The following UPB1 variants were observed in gnomAD, a reference collection of about 807,000 sequenced individuals.
UPB1 encodes beta-ureidopropionase 1, also known as beta-ureidopropionase.
In UPB1, 40 loss-of-function variants were observed where a neutral mutation model predicts 49.1. The ratio of observed to expected loss-of-function variants is 0.81; its 90% CI spans 0.63 to 1.06. The LOEUF is 1.06. Among genes scored for constraint, UPB1 ranks in the 50% least tolerant of loss-of-function variants. The pLI, the probability that UPB1 is intolerant of heterozygous loss-of-function variation, is 0.00. For synonymous variants in UPB1, 207 were observed against 198.2 expected (o/e 1.04, Z -0.38); for missense variants, 499 against 505.9 (o/e 0.99, Z 0.13).
At chr22:24,514,784 GC>G (rs1450158795) in intron 5 of UPB1, among the ~76,000 whole-genome samples, 2 of 152,204 alleles carry the variant, frequency 1.3e-5, no homozygotes, top group East Asian at 3.8e-4. Flanking sequence ...GGAGAGAGTT[GC>G]TTGGATGTGC....
chr22:24,506,991 A>G, intron 3 of UPB1, among the ~76,000 whole-genome samples: 1 of 137,946 alleles, frequency 7.2e-6, no homozygotes, highest in African/African-American at 2.6e-5. Flanking sequence ...CTAGGCTGGC[A>G]GTTCCTGAGG....
At chr22:24,502,700 C>T (rs1304584788) in intron 3 of UPB1, 2 of 593,052 alleles carry the variant, frequency 3.4e-6, no homozygotes, top group African/African-American at 1.9e-5. Context: ...CTATTATCCC[C>T]AGCATCAACA....
intron 1 of UPB1, among the ~76,000 whole-genome samples, chr22:24,497,322 A>G (rs896442934): frequency 1.3e-5 from 2 of 152,140 alleles, no homozygotes; most frequent in African/African-American, 4.8e-5. Context: ...TGTATGTTTC[A>G]TTTTATACCC....
chr22:24,509,856 A>G (rs1422345389), intron 3 of UPB1, among the ~76,000 whole-genome samples: 1 of 152,176 alleles, frequency 6.6e-6, no homozygotes, highest in African/African-American at 2.4e-5. Flanking sequence ...TCACAATTGG[A>G]CACCTCTACC....
intron 8 of UPB1, among the ~76,000 whole-genome samples, chr22:24,522,978 G>A (rs961647805): frequency 6.6e-6 from 1 of 151,606 alleles, no homozygotes; most frequent in Middle Eastern, 3.4e-3. Context: ...TGCCAGAAGG[G>A]GCTGAGCGAG....
At chr22:24,497,832 G>A (rs1415394569) in intron 1 of UPB1, among the ~76,000 whole-genome samples, 1 of 152,190 alleles carries the variant, frequency 6.6e-6, no homozygotes, top group Non-Finnish European at 1.5e-5. Flanking sequence ...AAGGAGAAGG[G>A]TCTGTGTGTC....
intron 3 of UPB1, chr22:24,502,432 A>G (rs1286032613): frequency 5.1e-6 from 4 of 783,328 alleles, no homozygotes; most frequent in Admixed American, 1.7e-5. Context: ...TTCTGAATCC[A>G]TTCGCTCCTC....
intron 7 of UPB1, among the ~76,000 whole-genome samples, chr22:24,521,279 C>CCAG (rs1222486847): frequency 6.6e-6 from 1 of 150,476 alleles, no homozygotes; most frequent in Admixed American, 6.6e-5. Flanking sequence ...GTCAGGAGTT[C>CCAG]CAGACCAGCC....
chr22:24,517,257 A>G (rs563770632), intron 6 of UPB1, among the ~76,000 whole-genome samples: 2 of 152,148 alleles, frequency 1.3e-5, no homozygotes, highest in African/African-American at 4.8e-5. Context: ...TAGAAGGGGA[A>G]TATCAGGCCT....
chr22:24,506,437 C>T (rs1307061650), intron 3 of UPB1, among the ~76,000 whole-genome samples: 3 of 152,208 alleles, frequency 2.0e-5, no homozygotes, highest in African/African-American at 7.2e-5. Context: ...AGCAGGAGAT[C>T]TTCTCTACTG....
chr22:24,505,966 G>C (rs188429295), intron 3 of UPB1, among the ~76,000 whole-genome samples: 2 of 149,666 alleles, frequency 1.3e-5, no homozygotes, highest in Non-Finnish European at 1.5e-5. Flanking sequence ...ACCCACCTCA[G>C]CCTCCCAAAG....
Position 24,526,064 on chromosome 22 carries a change from A to T in UPB1, c.*270A>T, listed in dbSNP as rs542259413. 2.1e-6 allele frequency: 1 copy of T among 467,504 alleles called. No homozygotes were observed. The highest frequency in any genetic ancestry group is 4.2e-5 in the East Asian group (1 of 23,906). 29.0% of individuals were successfully genotyped at this position (467,504 alleles called of 1,614,324 possible). On this transcript the variant is annotated 3_prime_UTR_variant, in exon 10 of 10. Transcript: ENST00000326010. ...GTATACTTCAGAATGTTTGTTATGT[A>T]AATTTTACCTCAACTAAAAAAAAAA...
rs900233358 is a variant in UPB1 at position 24,527,721 on chromosome 22, T to C, written c.*1927T>C. ...GATGAGAAACCCTGATGGAGCTGCC[T>C]GGCCACAGCTCTGCGGTAACTTCCT... On this transcript the variant is annotated 3_prime_UTR_variant, in exon 10 of 10. Transcript: ENST00000326010. 6 of 151,990 alleles carry C rather than the reference T, an allele frequency of 3.9e-5. No homozygotes were observed. Among genetic ancestry groups the C allele is most frequent in the Non-Finnish European group, 2.9e-5 (2 of 68,052 alleles). 9.4% of individuals were successfully genotyped at this position (151,990 alleles called of 1,614,324 possible). A position where few individuals can be genotyped will look rare whatever the true frequency, so the allele number is the denominator to read the frequency against.
intron 6 of UPB1, among the ~76,000 whole-genome samples, chr22:24,517,468 C>T (rs571773102): frequency 6.6e-6 from 1 of 152,316 alleles, no homozygotes; most frequent in South Asian, 2.1e-4. Flanking sequence ...CACTGGGGTC[C>T]CTAGAGGAAC....
At chr22:24,525,204 G>A (rs1309814286) in intron 9 of UPB1, among the ~76,000 whole-genome samples, 1 of 152,164 alleles carries the variant, frequency 6.6e-6, no homozygotes, top group Non-Finnish European at 1.5e-5. Context: ...AATCCACCTT[G>A]GGAAAGGAGG....
At chr22:24,496,404 T>C (rs3138697) in intron 1 of UPB1, among the ~76,000 whole-genome samples, 24,020 of 126,042 alleles carry the variant, frequency 0.19, 2,107 homozygotes, top group East Asian at 0.28. Flanking sequence ...CACACACACA[T>C]ACACACACAC....
chr22:24,500,135 G>A lies in UPB1; in HGVS notation c.133G>A (p.Glu45Lys), dbSNP rs746855125. The change falls in exon 2 of 10, where the codon GAA becomes AAA. Residue 45 changes from glutamate to lysine, a missense_variant. Physicochemically the swap from Glu to Lys is moderately conservative, Grantham distance 56. Coordinates refer to ENST00000326010, the MANE Select transcript of UPB1 (RefSeq NM_016327.3). ...RKLDLPREAF[E>K]AASREDFELQ... ...GCTTGATCTGCCCAGGGAAGCTTTC[G>A]AAGCTGCCTCCAGAGAAGACTTTGA... 16 of 1,614,040 alleles carry A rather than the reference G, an allele frequency of 9.9e-6. No individual in the cohort carries two copies. Among genetic ancestry groups the A allele is most frequent in the Middle Eastern group, 1.6e-4 (1 of 6,084 alleles).
Position 24,510,832 on chromosome 22 carries a change from T to G in UPB1, c.448T>G (p.Phe150Val), listed in dbSNP as rs751793064. Residue 150 changes from phenylalanine to valine, a missense_variant, in exon 4 of 10, where the codon TTC becomes GTC. Physicochemically the swap from Phe to Val is conservative, Grantham distance 50 (BLOSUM62 -1). Transcript: ENST00000326010. ...AGCAGAGGATGGGCCCACCACCAGA[T>G]TCTGTCAGAAGGTAGGACATTAACG... ...ESAEDGPTTR[F>V]CQKLAKNHDM... 57 of 1,614,088 alleles carry G rather than the reference T, an allele frequency of 3.5e-5. 1 individual carries two copies. The highest frequency in any genetic ancestry group is 2.7e-5 in the African/African-American group (2 of 74,932).
intron 3 of UPB1, among the ~76,000 whole-genome samples, chr22:24,509,104 A>G (rs2044145142): frequency 1.3e-5 from 2 of 152,086 alleles, no homozygotes; most frequent in African/African-American, 4.8e-5. Flanking sequence ...CTCACCGGGG[A>G]TATGGGAAAC....
Sources: allele counts gnomAD v4.1 joint callset (sites outside exome capture counted in the v4.1 genomes callset), GRCh38; gene constraint gnomAD v4.1.1; transcripts MANE v1.5; gene names NCBI Gene and HGNC (gene_info 2026-07-23, HGNC 2026-07-21).